Variants in DCHS2 observed in about 807,000 individuals in gnomAD.
DCHS2 encodes dachsous cadherin-related 2, also known as protocadherin-23.
A neutral mutation model predicts 182.4 loss-of-function variants in DCHS2; 142 were observed. The ratio of observed to expected loss-of-function variants is 0.78; its 90% CI spans 0.68 to 0.89. The LOEUF (loss-of-function observed/expected upper bound fraction) is 0.89, where lower values mean the gene tolerates loss of function less well. DCHS2 is among the 40% of genes least tolerant of loss of function. The pLI is 0.00. For synonymous variants in DCHS2, 1,740 were observed against 1,663.3 expected (o/e 1.05, Z -1.12); for missense variants, 4,319 against 4,198.6 (o/e 1.03, Z -0.79).
chr4:154,445,537 AT>A (rs532931049), intron 1 of DCHS2, among the ~76,000 whole-genome samples: 327 of 152,326 alleles, frequency 2.1e-3, no homozygotes, highest in African/African-American at 7.6e-3. Context: ...CAGGCCGGGC[AT>A]GGTGGTTCAC....
In DCHS2 at chr4:154,490,083, G is replaced by C. The variant is rs1374584898; in HGVS notation, c.1273C>G (p.Arg425Gly). ...VLFLTEGGVARVSEGARPGDY... is the reference protein window; with the variant it reads ...VLFLTEGGVAGVSEGARPGDY... Reference sequence around the variant, plus strand: ...CCCGGTCGGGCGCCTTCAGAGACACGGGCGACGCCTCCCTCTGTGAGAAAG... The same window carrying C: ...CCCGGTCGGGCGCCTTCAGAGACACCGGCGACGCCTCCCTCTGTGAGAAAG... The change falls in exon 1 of 20, where the codon CGT becomes GGT. Residue 425 changes from arginine to glycine, a missense_variant. By Grantham distance (125) the Arg-to-Gly change is moderately radical (BLOSUM62 -2). Transcript: ENST00000357232. 2 of 1,549,272 alleles carry C rather than the reference G, an allele frequency of 1.3e-6. No individual in the cohort carries two copies. Among genetic ancestry groups the C allele is most frequent in the Non-Finnish European group, 1.7e-6 (2 of 1,146,726 alleles).
chr4:154,236,727 C>T lies in DCHS2; in HGVS notation c.7925G>A (p.Cys2642Tyr). The part of the protein sequence containing the change: ...ELVILASDSG[C>Y]PPLSSTAVIS... Reference sequence around the variant, plus strand: ...GACAGCTGTGGAACTCAATGGAGGGCAGCCACTGTCAGATGCCAGAATGAC... The same window carrying T: ...GACAGCTGTGGAACTCAATGGAGGGTAGCCACTGTCAGATGCCAGAATGAC... Residue 2642 changes from cysteine (C) to tyrosine (Y), a missense_variant, in exon 20 of 20, where the codon TGC becomes TAC. Physicochemically the swap from Cys to Tyr is radical, Grantham distance 194. Transcript: ENST00000357232. 6.2e-7 allele frequency: 1 copy of T among 1,613,970 alleles called. No homozygotes were observed. The highest frequency in any genetic ancestry group is 8.5e-7 in the Non-Finnish European group (1 of 1,179,960).
intron 3 of DCHS2, among the ~76,000 whole-genome samples, chr4:154,353,886 A>G (rs1037581120): frequency 3.3e-5 from 5 of 152,178 alleles, no homozygotes; most frequent in African/African-American, 1.2e-4. Flanking sequence ...AAGCTCCACC[A>G]GTAATTATTA....
At chr4:154,284,862 G>A (rs1021637123) in intron 13 of DCHS2, among the ~76,000 whole-genome samples, 2 of 152,098 alleles carry the variant, frequency 1.3e-5, no homozygotes, top group African/African-American at 2.4e-5. Context: ...AGTGGACTTC[G>A]GGGAGCACAT....
chr4:154,364,911 T>C (rs1263507990), intron 3 of DCHS2, among the ~76,000 whole-genome samples: 1 of 149,562 alleles, frequency 6.7e-6, no homozygotes, highest in Non-Finnish European at 1.5e-5. Flanking sequence ...AAAAAAATTC[T>C]TTTTTTTTTC....
Position 154,320,841 on chromosome 4 carries a change from C to G in DCHS2, c.4558G>C (p.Glu1520Gln). The change falls in exon 9 of 20, where the codon GAG becomes CAG. Residue 1520 changes from glutamate (E) to glutamine (Q), a missense_variant. Glu to Gln is a conservative substitution (Grantham distance 29, BLOSUM62 2). Transcript: ENST00000357232. ...FQDELIVISV[E>Q]ENVPIGTLVY... ...AGGGTTCCTATGGGAACATTCTCCT[C>G]TACACTGATCACAATGAGCTCATCC... 6.2e-7 allele frequency: 1 copy of G among 1,614,072 alleles called. No individual in the cohort carries two copies. The highest frequency in any genetic ancestry group is 2.2e-5 in the East Asian group (1 of 44,890).
At chr4:154,346,526 A>G (rs1387225813) in intron 3 of DCHS2, among the ~76,000 whole-genome samples, 1 of 149,854 alleles carries the variant, frequency 6.7e-6, no homozygotes, top group Non-Finnish European at 1.5e-5. Flanking sequence ...GTCCTTATTT[A>G]GTCAACATAT....
intron 1 of DCHS2, among the ~76,000 whole-genome samples, chr4:154,450,053 A>T (rs1043189906): frequency 2.3e-4 from 35 of 152,336 alleles, no homozygotes; most frequent in African/African-American, 7.7e-4. Context: ...AGAGGAAAAC[A>T]GTTAAAGAAC....
chr4:154,247,778 A>G (rs1427091722), intron 16 of DCHS2, among the ~76,000 whole-genome samples: 1 of 152,148 alleles, frequency 6.6e-6, no homozygotes. Flanking sequence ...TGTATTGTCC[A>G]TTGCATATAT....
At chr4:154,421,764 C>T (rs1191206223) in intron 1 of DCHS2, among the ~76,000 whole-genome samples, 1 of 152,226 alleles carries the variant, frequency 6.6e-6, no homozygotes, top group Non-Finnish European at 1.5e-5. Flanking sequence ...ATTTTCCCTT[C>T]TAGCCACAGC....
chr4:154,390,689 T>C (rs1731658528), intron 1 of DCHS2, among the ~76,000 whole-genome samples: 1 of 146,306 alleles, frequency 6.8e-6, no homozygotes, highest in Admixed American at 6.8e-5. Context: ...TAGTAACAAG[T>C]GAAGTTCTCT....
chr4:154,281,918 C>A (rs1231236023), intron 13 of DCHS2, among the ~76,000 whole-genome samples: 1 of 152,046 alleles, frequency 6.6e-6, no homozygotes, highest in African/African-American at 2.4e-5. Flanking sequence ...GCCAAGGTTA[C>A]ATAATAGGGT....
In DCHS2 at chr4:154,320,480, TG is replaced by T; in HGVS notation, c.4918del (p.His1640ThrfsTer2). On this transcript the variant is annotated frameshift_variant, in exon 9 of 20. Transcript: ENST00000357232. LOFTEE classifies it high-confidence loss of function. The part of the protein sequence containing the change: ...EDVTVGSLVH[H>X]ITAHDPDEGR... Reference sequence around the variant, plus strand: ...TTCGTCTGGATCGTGAGCAGTTATGTGGTGGACCAAGGAGCCCACTGTGACA... The same window carrying T: ...TTCGTCTGGATCGTGAGCAGTTATGTGTGGACCAAGGAGCCCACTGTGACA... 1 of 1,614,164 alleles carries T rather than the reference TG, an allele frequency of 6.2e-7. No homozygotes were observed. Among genetic ancestry groups the T allele is most frequent in the African/African-American group, 1.3e-5 (1 of 75,046 alleles).
chr4:154,370,925 G>T (rs1730615798), intron 2 of DCHS2, among the ~76,000 whole-genome samples: 1 of 152,176 alleles, frequency 6.6e-6, no homozygotes, highest in Admixed American at 6.5e-5. Flanking sequence ...TAACATGGGA[G>T]AAGAATTATT....
At chr4:154,307,837 C>A (rs1428319089) in intron 10 of DCHS2, among the ~76,000 whole-genome samples, 1 of 152,172 alleles carries the variant, frequency 6.6e-6, no homozygotes, top group Non-Finnish European at 1.5e-5. Flanking sequence ...ACCTGGCTTA[C>A]TCTCACAGAT....
chr4:154,268,091 T>C (rs942379206), intron 14 of DCHS2, among the ~76,000 whole-genome samples: 1 of 152,242 alleles, frequency 6.6e-6, no homozygotes, highest in Non-Finnish European at 1.5e-5. Flanking sequence ...TGAGGTGCCA[T>C]AGCAAAACTA....
chr4:154,332,380 A>T, intron 5 of DCHS2, 98 bp downstream of exon 5: 1 of 1,136,384 alleles, frequency 8.8e-7, no homozygotes, highest in Non-Finnish European at 1.2e-6. Context: ...CTCAATCCTG[A>T]TTTTGTTTAA....
intron 16 of DCHS2, among the ~76,000 whole-genome samples, chr4:154,250,923 C>CATTA: frequency 6.6e-6 from 1 of 152,348 alleles, no homozygotes; most frequent in East Asian, 1.9e-4. Context: ...CTGCCTCTTT[C>CATTA]ATTACCCCAA....
intron 1 of DCHS2, among the ~76,000 whole-genome samples, chr4:154,441,626 TA>T (rs10683172): frequency 0.31 from 46,001 of 149,652 alleles, 8,707 homozygotes; most frequent in East Asian, 0.69. Flanking sequence ...TTCCCTGAAT[TA>T]AAAAAAAAAA....
Sources: gnomAD v4.1 joint callset for allele counts (sites outside exome capture counted in the v4.1 genomes callset) on GRCh38, gnomAD v4.1.1 for gene constraint, MANE v1.5 for transcripts, NCBI Gene and HGNC (gene_info 2026-07-23, HGNC 2026-07-21) for gene names.